MINDY4: variants seen among roughly 807,000 people sequenced by gnomAD.
MINDY4 encodes the protein probable ubiquitin carboxyl-terminal hydrolase MINDY-4.
A neutral mutation model predicts 87.0 loss-of-function variants in MINDY4; 68 were observed. The ratio of observed to expected loss-of-function variants is 0.78; its 90% CI spans 0.64 to 0.96. MINDY4 has a LOEUF of 0.96. Among genes scored for constraint, MINDY4 ranks in the 40% least tolerant of loss-of-function variants. The pLI, the probability that MINDY4 is intolerant of heterozygous loss-of-function variation, is 0.00. For synonymous variants in MINDY4, 379 were observed against 363.2 expected, an observed-to-expected ratio of 1.04 and a Z score of -0.50; for missense variants, 919 against 928.2, an observed-to-expected ratio of 0.99 and a Z score of 0.13.
intron 14 of MINDY4, among the ~76,000 whole-genome samples, chr7:30,874,469 C>G (rs1404412528): frequency 6.6e-6 from 1 of 152,298 alleles, no homozygotes; most frequent in African/African-American, 2.4e-5. Context: ...CCTTGGTTAT[C>G]CTGCATAAGG....
chr7:30,877,686 T>C (rs111527404), intron 15 of MINDY4, among the ~76,000 whole-genome samples: 49 of 128,748 alleles, frequency 3.8e-4, no homozygotes, highest in Non-Finnish European at 6.1e-4. Flanking sequence ...TCTTCTTCTT[T>C]TTTTTTTTTT....
At chr7:30,797,932 G>A (rs1184137752) in intron 5 of MINDY4, among the ~76,000 whole-genome samples, 6 of 152,182 alleles carry the variant, frequency 3.9e-5, no homozygotes, top group Non-Finnish European at 7.3e-5. Flanking sequence ...GCAGGGCTAT[G>A]TTCTGAGAAG....
chr7:30,871,653 G>A (rs1790109745), intron 13 of MINDY4, among the ~76,000 whole-genome samples: 1 of 152,188 alleles, frequency 6.6e-6, no homozygotes, highest in Non-Finnish European at 1.5e-5. Context: ...TGGTACCAGG[G>A]GGTGGGGGCA....
chr7:30,882,746 G>A (rs1213463647), intron 16 of MINDY4, among the ~76,000 whole-genome samples, 175 bp from the exon 17 acceptor site: 2 of 152,150 alleles, frequency 1.3e-5, no homozygotes, highest in Non-Finnish European at 2.9e-5. Flanking sequence ...ACACGGGTGG[G>A]GACCAGTGAG....
intron 5 of MINDY4, among the ~76,000 whole-genome samples, chr7:30,825,020 C>G (rs1359685158): frequency 2.6e-5 from 4 of 152,130 alleles, no homozygotes; most frequent in Non-Finnish European, 5.9e-5. Context: ...AGGTGGAGGC[C>G]TTAGCAGAGG....
rs1185110144 is a variant in MINDY4 at position 30,875,477 on chromosome 7, CCTTT to C, written c.1810-15_1810-12del. On this transcript the variant is annotated splice_polypyrimidine_tract_variant and intron_variant, in intron 14 of 17. Coordinates refer to ENST00000265299, the MANE Select transcript of MINDY4 (RefSeq NM_032222.3). ...TGATTCAGACTTGATGAGTCTTTCC[CCTTT>C]CTCTCATCTGCAGGAACTTGTCAAT... is the stretch of plus-strand genomic sequence containing the variant. The C allele has an allele frequency of 6.2e-7, 1 of 1,613,902 alleles. No homozygotes were observed. Among genetic ancestry groups the C allele is most frequent in the South Asian group, 1.1e-5 (1 of 91,056 alleles).
At chr7:30,882,878 AG>A in intron 16 of MINDY4, 42 bp from the exon 17 acceptor site, 1 of 1,578,396 alleles carries the variant, frequency 6.3e-7, no homozygotes, top group African/African-American at 1.4e-5. Context: ...GGGTGAGTGC[AG>A]GGCCCTGGGT....
chr7:30,796,248 C>T (rs995151623), intron 5 of MINDY4, among the ~76,000 whole-genome samples: 1 of 151,996 alleles, frequency 6.6e-6, no homozygotes, highest in African/African-American at 2.4e-5. Flanking sequence ...TCACATCTGT[C>T]TCTTTTTTAT....
At chr7:30,890,610 G>C (rs1284852297) in intron 17 of MINDY4, among the ~76,000 whole-genome samples, 2 of 152,252 alleles carry the variant, frequency 1.3e-5, no homozygotes, top group Non-Finnish European at 2.9e-5. Context: ...CAAGAGGGAA[G>C]TGAGTTGGAA....
intron 9 of MINDY4, among the ~76,000 whole-genome samples, chr7:30,848,104 A>C (rs1777047792): frequency 6.6e-6 from 1 of 152,220 alleles, no homozygotes; most frequent in South Asian, 2.1e-4. Flanking sequence ...CTGCTTCAGT[A>C]AGTTAGTGTA....
chr7:30,887,846 C>T (rs1205297167), intron 17 of MINDY4, among the ~76,000 whole-genome samples: 1 of 152,204 alleles, frequency 6.6e-6, no homozygotes, highest in South Asian at 2.1e-4. Context: ...TGCAGGATGG[C>T]GGACTGGGCA....
In MINDY4 at chr7:30,798,558, G is replaced by A. The variant is rs918360593; in HGVS notation, c.1073+6984G>A. Among the ~76,000 whole-genome samples, 6 of 152,116 alleles carry A rather than the reference G, an allele frequency of 3.9e-5. No individual in the cohort carries two copies. The East Asian group carries it at 9.7e-4, about 25-fold the overall frequency. ...GTCGCCCAGGCTGGAGTGCAGTGGCGTGATCTTGGCTCACTGCAAGCTCCG... is the reference window on the plus strand; with the variant it reads ...GTCGCCCAGGCTGGAGTGCAGTGGCATGATCTTGGCTCACTGCAAGCTCCG... On this transcript the variant is annotated intron_variant, in intron 5 of 17. Transcript: ENST00000265299.
chr7:30,822,653 T>TTATTTA (rs1584277333), intron 5 of MINDY4, among the ~76,000 whole-genome samples: 1 of 151,852 alleles, frequency 6.6e-6, no homozygotes, highest in Admixed American at 6.6e-5. Context: ...ATTTATTTAT[T>TTATTTA]TTCAGACAAG....
At position 30,852,249 on chromosome 7, in the gene MINDY4, G is replaced by C. The variant is rs747522339; in HGVS notation, c.1581G>C (p.Gly527=). The C allele has an allele frequency of 4.3e-6, 7 of 1,614,036 alleles. No homozygotes were observed. Among genetic ancestry groups the C allele is most frequent in the Non-Finnish European group, 5.1e-6 (6 of 1,180,024 alleles). The change falls in exon 11 of 18, where the codon GGG becomes GGC. Residue 527 remains glycine (G), a synonymous_variant. Coordinates refer to ENST00000265299, the MANE Select transcript of MINDY4 (RefSeq NM_032222.3). ...GAACACAGCAGTTCAGTCCAACAGGGAAATACAAAGCAGATGGAGTCTTAG... is the reference window on the plus strand; with the variant it reads ...GAACACAGCAGTTCAGTCCAACAGGCAAATACAAAGCAGATGGAGTCTTAG... ...ASRTQQFSPT[G]KYKADGVLET...
intron 5 of MINDY4, among the ~76,000 whole-genome samples, chr7:30,793,009 G>A (rs893458470): frequency 2.0e-4 from 29 of 147,616 alleles, no homozygotes; most frequent in Admixed American, 6.7e-4. Context: ...TTACATATTC[G>A]TATAACTTAG....
intron 5 of MINDY4, among the ~76,000 whole-genome samples, chr7:30,793,051 C>CT (rs534398261): frequency 3.0e-4 from 39 of 131,926 alleles, no homozygotes; most frequent in Middle Eastern, 8.9e-3. Context: ...ATCGTGGTTT[C>CT]TTTTTTTTTT....
chr7:30,842,294 T>C (rs928832197), intron 9 of MINDY4, among the ~76,000 whole-genome samples: 1 of 152,208 alleles, frequency 6.6e-6, no homozygotes, highest in Non-Finnish European at 1.5e-5. Context: ...TACAGGATCA[T>C]GCCCCACTGC....
At chr7:30,813,092 T>TG (rs1315706650) in intron 5 of MINDY4, among the ~76,000 whole-genome samples, 8 of 152,124 alleles carry the variant, frequency 5.3e-5, no homozygotes, top group Non-Finnish European at 1.2e-4. Context: ...GAGTGCAGCT[T>TG]GGAGAACCAA....
intron 5 of MINDY4, among the ~76,000 whole-genome samples, chr7:30,808,934 A>G (rs1032780351): frequency 4.4e-5 from 2 of 45,488 alleles, no homozygotes; most frequent in East Asian, 5.6e-4. Context: ...GGAGTCAAGG[A>G]GAGAGAGAGA....
Sources: allele counts gnomAD v4.1 joint callset (sites outside exome capture counted in the v4.1 genomes callset), GRCh38; gene constraint gnomAD v4.1.1; transcripts MANE v1.5; gene names NCBI Gene and HGNC (gene_info 2026-07-23, HGNC 2026-07-21).